The following ARHGAP35 variants were observed in gnomAD, a reference collection of about 807,000 sequenced individuals.
ARHGAP35 encodes the protein Rho GTPase activating protein 35, also known as rho GTPase-activating protein 35.
A neutral mutation model predicts 111.1 loss-of-function variants in ARHGAP35; 15 were observed. The observed-to-expected ratio is 0.13, with a 90% CI of 0.09 to 0.21. The LOEUF (loss-of-function observed/expected upper bound fraction) is 0.21, where lower values mean the gene tolerates loss of function less well. Ranked by LOEUF, ARHGAP35 falls within the 10% of genes least tolerant of loss-of-function variation. ARHGAP35 has a pLI of 1.00. For synonymous variants in ARHGAP35, 643 were observed against 710.3 expected, an observed-to-expected ratio of 0.91 and a Z score of 1.51; for missense variants, 1,262 against 1,873.0, an observed-to-expected ratio of 0.67 and a Z score of 6.02.
rs553714691 is a variant in ARHGAP35, at chr19:46,867,761, G to T, written c.-189+6552G>T. 2.3e-3 allele frequency among the ~76,000 whole-genome samples: 343 copies of T among 148,952 alleles called. 1 individual carries two copies. Among genetic ancestry groups the T allele is most frequent in the Middle Eastern group, 0.014 (4 of 290 alleles). ...AGATAAACAGGTGCTAAAGTTTTTTGTTGTTGTTGTTGTTGTTTTTTTTTT... is the reference window on the plus strand; with the variant it reads ...AGATAAACAGGTGCTAAAGTTTTTTTTTGTTGTTGTTGTTGTTTTTTTTTT... On this transcript the variant is annotated intron_variant, in intron 1 of 6. Transcript: ENST00000672722.
chr19:46,874,252 T>C (rs2055903745), intron 1 of ARHGAP35, among the ~76,000 whole-genome samples: 1 of 152,150 alleles, frequency 6.6e-6, no homozygotes, highest in African/African-American at 2.4e-5. Flanking sequence ...GGGAGAATTT[T>C]TATGCCGTTT....
rs2056510594 is a variant in ARHGAP35, at chr19:46,965,581, C to T, written c.3827-22408C>T. On this transcript the variant is annotated intron_variant, in intron 3 of 6. Coordinates refer to ENST00000672722, the MANE Select transcript of ARHGAP35 (RefSeq NM_004491.5). Reference sequence around the variant, plus strand: ...CTCATTGCAGCCTCGATCTCCCAGGCTCAAGTAATCCTCCCACCTCAGCCT... The same window carrying T: ...CTCATTGCAGCCTCGATCTCCCAGGTTCAAGTAATCCTCCCACCTCAGCCT... Among the ~76,000 whole-genome samples, 5 of 152,268 alleles carry T rather than the reference C, an allele frequency of 3.3e-5. No homozygotes were observed. In the South Asian group the frequency reaches 1.0e-3, roughly 32 times the overall value.
intron 3 of ARHGAP35, among the ~76,000 whole-genome samples, chr19:46,982,307 T>C (rs922806252): frequency 9.2e-5 from 14 of 151,848 alleles, no homozygotes; most frequent in Non-Finnish European, 2.9e-5. Context: ...CAAAACCCCA[T>C]CTCTACTAAA....
rs1474011470 is a variant in ARHGAP35 at position 46,926,517 on chromosome 19, A to G, written c.3681+4161A>G. Among the ~76,000 whole-genome samples the G allele has an allele frequency of 2.0e-5, 3 of 152,128 alleles. No homozygotes were observed. Among genetic ancestry groups the G allele is most frequent in the Admixed American group, 2.0e-4 (3 of 15,274 alleles). ...GCTGGGGAGCCTTGTTCCACAAAGT[A>G]TGCCTTTTGGTCATGCTGAAATGGC... is the stretch of plus-strand genomic sequence containing the variant. On this transcript the variant is annotated intron_variant, in intron 2 of 6. Transcript: ENST00000672722. The surrounding 1 kb of genome is among the most constrained non-coding windows in gnomAD (Gnocchi z 4.1).
intron 3 of ARHGAP35, among the ~76,000 whole-genome samples, chr19:46,958,278 G>A (rs1250832937): frequency 4.0e-5 from 6 of 151,800 alleles, no homozygotes. Context: ...CAGCTACTCC[G>A]GAGGCTGAGG....
intron 3 of ARHGAP35, among the ~76,000 whole-genome samples, chr19:46,963,159 G>A (rs1203693722): frequency 3.3e-5 from 5 of 152,114 alleles, no homozygotes; most frequent in Admixed American, 1.3e-4. Flanking sequence ...GATTCTCAGC[G>A]TCCAGGATTC....
At chr19:46,904,831 A>T (rs757812932) in intron 1 of ARHGAP35, among the ~76,000 whole-genome samples, 12 of 152,182 alleles carry the variant, frequency 7.9e-5, no homozygotes, top group Non-Finnish European at 1.3e-4. Context: ...CAGAGGATGA[A>T]GTCCAGACTG....
intron 3 of ARHGAP35, among the ~76,000 whole-genome samples, chr19:46,980,809 C>G (rs1042216439): frequency 6.6e-6 from 1 of 152,202 alleles, no homozygotes; most frequent in Non-Finnish European, 1.5e-5. Context: ...AGGTGCTCAT[C>G]CACTTGCCAA....
chr19:46,970,351 G>A (rs1454747138), intron 3 of ARHGAP35, among the ~76,000 whole-genome samples: 1 of 152,206 alleles, frequency 6.6e-6, no homozygotes. Context: ...CCAGTGCAGT[G>A]TAGAGCAGGT....
intron 1 of ARHGAP35, among the ~76,000 whole-genome samples, chr19:46,910,230 A>C (rs1042820533): frequency 2.6e-5 from 4 of 151,976 alleles, no homozygotes; most frequent in Non-Finnish European, 5.9e-5. Flanking sequence ...CTCCTGCCTC[A>C]CCCTTCCAAG....
rs375006467 is a variant in ARHGAP35, at chr19:46,941,876, T to TCAAAA, written c.3826+4468_3826+4469insCAAAA. Among the ~76,000 whole-genome samples, 22 of 94,552 alleles carry TCAAAA rather than the reference T, an allele frequency of 2.3e-4. No individual in the cohort carries two copies. In the Admixed American group the frequency reaches 2.8e-3, roughly 12 times the overall value. The allele number at this position is 94,552 out of a possible 152,430, so 62.0% of individuals were successfully genotyped here. ...GACCCAGCCAGAGACCCTGTCTCTT[T>TCAAAA]AAAAAAAAAAAAAAAAAAAAAAAAG... On this transcript the variant is annotated intron_variant, in intron 3 of 6. Transcript: ENST00000672722.
rs111687960 is a variant in ARHGAP35, at chr19:46,941,847, A to G, written c.3826+4439A>G. On this transcript the variant is annotated intron_variant, in intron 3 of 6. Coordinates refer to ENST00000672722, the MANE Select transcript of ARHGAP35 (RefSeq NM_004491.5). ...AGTGCTGGGATTATAAGCATGTGCC[A>G]CTGGACCCAGCCAGAGACCCTGTCT... 1.2e-3 allele frequency among the ~76,000 whole-genome samples: 169 copies of G among 140,090 alleles called. 1 individual carries two copies. Among genetic ancestry groups the G allele is most frequent in the African/African-American group, 4.3e-3 (162 of 37,354 alleles). The allele number at this position is 140,090 out of a possible 152,430, so 91.9% of individuals were successfully genotyped here.
At chr19:46,876,368 T>G (rs1213671060) in intron 1 of ARHGAP35, among the ~76,000 whole-genome samples, 3 of 151,760 alleles carry the variant, frequency 2.0e-5, no homozygotes, top group African/African-American at 7.3e-5. Context: ...CCAGCTAATT[T>G]TTTTTAAATT....
At position 46,967,130 on chromosome 19, in the gene ARHGAP35, G is replaced by T. The variant is rs527980153; in HGVS notation, c.3827-20859G>T. Among the ~76,000 whole-genome samples, 12 of 150,420 alleles carry T rather than the reference G, an allele frequency of 8.0e-5. No homozygotes were observed. The East Asian group carries it at 2.3e-3, about 29-fold the overall frequency. ...TTTCAGATTTTTTTTTTTTTTCTCA[G>T]ATCCCTAGAATTGTAAGGGAGTCCT... On this transcript the variant is annotated intron_variant, in intron 3 of 6. Coordinates refer to ENST00000672722, the MANE Select transcript of ARHGAP35 (RefSeq NM_004491.5).
intron 3 of ARHGAP35, among the ~76,000 whole-genome samples, chr19:46,980,075 C>T (rs2056613075): frequency 6.6e-6 from 1 of 152,102 alleles, no homozygotes; most frequent in African/African-American, 2.4e-5. Context: ...ACATCCTTGC[C>T]CTCCAGTTCA....
chr19:46,926,110 A>C lies in ARHGAP35; in HGVS notation c.3681+3754A>C, dbSNP rs1013694909. ...CAACCACCCTAACAAAAAAATAGCT[A>C]TGCTCTGGGTACCAATGTGATACAG... On this transcript the variant is annotated intron_variant, in intron 2 of 6. Transcript: ENST00000672722. This position sits in a 1 kb window ranked among gnomAD's most constrained non-coding sequence, Gnocchi z 4.1. Among the ~76,000 whole-genome samples the C allele has an allele frequency of 3.3e-5, 5 of 152,158 alleles. No homozygotes were observed. The highest frequency in any genetic ancestry group is 7.3e-5 in the Non-Finnish European group (5 of 68,030).
chr19:47,001,176 G>C lies in ARHGAP35; in HGVS notation c.*488G>C. 8.1e-7 allele frequency: 1 copy of C among 1,240,890 alleles called. No individual in the cohort carries two copies. The allele number at this position is 1,240,890 out of a possible 1,614,324, so 76.9% of individuals were successfully genotyped here. ...CACCCCCAAGGTAAGGGTACAGCCC[G>C]GCTGGCGGCCTCCTTGGGAACGTGT... On this transcript the variant is annotated 3_prime_UTR_variant, in exon 7 of 7. Transcript: ENST00000672722. The surrounding 1 kb of genome is among the most constrained non-coding windows in gnomAD (Gnocchi z 5.4).
At chr19:46,914,164 G>A (rs543774112) in intron 1 of ARHGAP35, among the ~76,000 whole-genome samples, 1 of 152,180 alleles carries the variant, frequency 6.6e-6, no homozygotes, top group Non-Finnish European at 1.5e-5. Context: ...AGACATCAAA[G>A]CTAAGAAGAG....
Position 46,988,442 on chromosome 19 carries a change from T to TTAATGATAC in ARHGAP35, c.3904+376_3904+377insTAATGATAC. The TTAATGATAC allele has an allele frequency of 4.4e-6, 1 of 226,816 alleles. No homozygotes were observed. Among genetic ancestry groups the TTAATGATAC allele is most frequent in the Non-Finnish European group, 9.0e-6 (1 of 111,538 alleles). The allele number at this position is 226,816 out of a possible 1,614,324, so 14.1% of individuals were successfully genotyped here. A position where few individuals can be genotyped will look rare whatever the true frequency, so the allele number is the denominator to read the frequency against. On this transcript the variant is annotated intron_variant, in intron 4 of 6. Transcript: ENST00000672722. The surrounding 1 kb of genome is among the most constrained non-coding windows in gnomAD (Gnocchi z 5.4). ...GTCGGGTTGAGATGTGATCCTGTTT[T>TTAATGATAC]GCCAGGGCCTCAGATCTACCCTCCT...
Sources: allele counts gnomAD v4.1 joint callset (sites outside exome capture counted in the v4.1 genomes callset), GRCh38; gene constraint gnomAD v4.1.1; non-coding constraint Gnocchi (gnomAD v3.1); transcripts MANE v1.5; gene names NCBI Gene and HGNC (gene_info 2026-07-23, HGNC 2026-07-21).